CAMK4: variants seen among roughly 807,000 people sequenced by gnomAD.
CAMK4 encodes the protein calcium/calmodulin dependent protein kinase IV.
CAMK4 carries 22 observed loss-of-function variants against 44.9 expected under a neutral mutation model. The observed-to-expected ratio is 0.49, with a 90% CI of 0.35 to 0.70. CAMK4 has a LOEUF of 0.70. Among genes scored for constraint, CAMK4 ranks in the 30% least tolerant of loss-of-function variants. CAMK4 has a pLI of 0.01. For synonymous variants in CAMK4, 218 were observed against 215.4 expected (o/e 1.01, Z -0.11); for missense variants, 498 against 586.8 (o/e 0.85, Z 1.56).
Position 111,484,229 on chromosome 5 carries a change from G to T in CAMK4, c.1185G>T (p.Met395Ile), listed in dbSNP as rs1368126909. Reference protein sequence around the residue: ...AAVKGAQAELMKVQALEKVKG... With the variant: ...AAVKGAQAELIKVQALEKVKG... ...TTAAGGGGGCACAGGCTGAGCTGATGAAGGTGCAAGCCTTAGAGAAAGTTA... is the reference window on the plus strand; with the variant it reads ...TTAAGGGGGCACAGGCTGAGCTGATTAAGGTGCAAGCCTTAGAGAAAGTTA... The change falls in exon 11 of 11, where the codon ATG becomes ATT. Residue 395 changes from methionine (M) to isoleucine (I), a missense_variant. Physicochemically the swap from Met to Ile is conservative, Grantham distance 10. Transcript: ENST00000282356. This position sits in a 1 kb window ranked among gnomAD's most constrained non-coding sequence, Gnocchi z 5.3. 1 of 1,614,160 alleles carries T rather than the reference G, an allele frequency of 6.2e-7. No individual in the cohort carries two copies. The highest frequency in any genetic ancestry group is 2.2e-5 in the East Asian group (1 of 44,888).
At chr5:111,386,939 A>C (rs1305623110) in intron 4 of CAMK4, among the ~76,000 whole-genome samples, 1 of 152,200 alleles carries the variant, frequency 6.6e-6, no homozygotes, top group African/African-American at 2.4e-5. Context: ...AAATCCTAGA[A>C]GACATTTTGT....
chr5:111,381,397 G>A (rs1410617540), intron 4 of CAMK4, among the ~76,000 whole-genome samples: 1 of 152,136 alleles, frequency 6.6e-6, no homozygotes, highest in East Asian at 1.9e-4. Flanking sequence ...TTCAGTCTGT[G>A]GCCAAAGACC....
chr5:111,331,039 T>A (rs576585488), intron 1 of CAMK4, among the ~76,000 whole-genome samples: 1 of 151,726 alleles, frequency 6.6e-6, no homozygotes, highest in South Asian at 2.1e-4. Context: ...TAGGATAATA[T>A]CTTTATGACT....
intron 4 of CAMK4, among the ~76,000 whole-genome samples, chr5:111,393,029 G>A (rs1372063181): frequency 6.6e-6 from 1 of 152,158 alleles, no homozygotes; most frequent in Non-Finnish European, 1.5e-5. Context: ...GAAAATGTTG[G>A]TGAATGAACT....
At chr5:111,270,719 A>G (rs1310856363) in intron 1 of CAMK4, among the ~76,000 whole-genome samples, 1 of 152,216 alleles carries the variant, frequency 6.6e-6, no homozygotes, top group African/African-American at 2.4e-5. Context: ...CCAGCCTGAC[A>G]AAACTTCAAT....
intron 4 of CAMK4, among the ~76,000 whole-genome samples, chr5:111,382,543 G>T (rs1219629556): frequency 6.6e-6 from 1 of 152,100 alleles, no homozygotes; most frequent in East Asian, 1.9e-4. Flanking sequence ...AATATAATGA[G>T]GAACATTTTT....
At chr5:111,457,166 A>G (rs1016059282) in intron 7 of CAMK4, among the ~76,000 whole-genome samples, 1 of 152,262 alleles carries the variant, frequency 6.6e-6, no homozygotes, top group African/African-American at 2.4e-5. Context: ...CACAGAAAAA[A>G]TGAAGGATAT....
intron 1 of CAMK4, among the ~76,000 whole-genome samples, chr5:111,247,241 A>C (rs941553936): frequency 6.6e-6 from 1 of 150,424 alleles, no homozygotes; most frequent in African/African-American, 2.4e-5. Context: ...AGCAAATTAC[A>C]TACACACACA....
At chr5:111,458,184 G>A (rs1193255410) in intron 7 of CAMK4, among the ~76,000 whole-genome samples, 1 of 152,254 alleles carries the variant, frequency 6.6e-6, no homozygotes, top group Non-Finnish European at 1.5e-5. Context: ...CCACAGGCAT[G>A]CTTGCAGCAT....
chr5:111,432,677 T>C (rs6890481), intron 5 of CAMK4, among the ~76,000 whole-genome samples: 2 of 148,016 alleles, frequency 1.4e-5, no homozygotes, highest in African/African-American at 5.0e-5. Context: ...TATATATATA[T>C]ATATACATTT....
intron 7 of CAMK4, among the ~76,000 whole-genome samples, chr5:111,468,749 G>A (rs1477064512): frequency 6.6e-6 from 1 of 152,156 alleles, no homozygotes; most frequent in African/African-American, 2.4e-5. Flanking sequence ...GGAGGCCGAG[G>A]CGGGTGGATC....
At chr5:111,461,521 C>G (rs1290000352) in intron 7 of CAMK4, among the ~76,000 whole-genome samples, 1 of 152,042 alleles carries the variant, frequency 6.6e-6, no homozygotes, top group African/African-American at 2.4e-5. Flanking sequence ...AGAAAATCAC[C>G]CAGTGTGGAG....
intron 1 of CAMK4, among the ~76,000 whole-genome samples, chr5:111,270,657 C>T (rs1163902959): frequency 6.6e-6 from 1 of 152,162 alleles, no homozygotes; most frequent in Non-Finnish European, 1.5e-5. Context: ...TTCCATGAAC[C>T]ACACCTTCCA....
In CAMK4 at chr5:111,478,523, A is replaced by G; in HGVS notation, c.828+16A>G. The G allele has an allele frequency of 1.5e-6, 2 of 1,312,904 alleles. No individual in the cohort carries two copies. Among genetic ancestry groups the G allele is most frequent in the South Asian group, 1.6e-5 (1 of 64,352 alleles). 81.3% of individuals were successfully genotyped at this position (1,312,904 alleles called of 1,614,324 possible). ...CAAGGACTTGGTAAGTGTAACCAAA[A>G]CAAAATGAAACAAAATGAAATAAAT... On this transcript the variant is annotated intron_variant, in intron 9 of 10. Coordinates refer to ENST00000282356, the MANE Select transcript of CAMK4 (RefSeq NM_001744.6).
In CAMK4 at chr5:111,473,399, A is replaced by C. The variant is rs770969921; in HGVS notation, c.701+13A>C. Reference sequence around the variant, plus strand: ...TCACCTACATCTTGTAAGTGAAGAAAAGCAATATTTATGTAAACTATTTAC... The same window carrying C: ...TCACCTACATCTTGTAAGTGAAGAACAGCAATATTTATGTAAACTATTTAC... On this transcript the variant is annotated intron_variant, in intron 8 of 10. Transcript: ENST00000282356. 5.2e-6 allele frequency: 8 copies of C among 1,541,154 alleles called. No homozygotes were observed. The East Asian group carries it at 1.6e-4, about 30-fold the overall frequency.
intron 4 of CAMK4, among the ~76,000 whole-genome samples, chr5:111,384,721 C>T (rs933338867): frequency 3.9e-5 from 6 of 152,176 alleles, no homozygotes; most frequent in South Asian, 4.1e-4. Context: ...TTTCCCTTTC[C>T]CAGTGCTTCT....
intron 1 of CAMK4, among the ~76,000 whole-genome samples, chr5:111,240,765 G>A (rs1044345329): frequency 6.6e-6 from 1 of 152,202 alleles, no homozygotes; most frequent in Non-Finnish European, 1.5e-5. Flanking sequence ...AGCCTTTCAA[G>A]TTGTTCTCTG....
At chr5:111,285,028 A>G (rs1208200172) in intron 1 of CAMK4, among the ~76,000 whole-genome samples, 2 of 152,236 alleles carry the variant, frequency 1.3e-5, no homozygotes, top group Non-Finnish European at 2.9e-5. Context: ...ATTTTTTAAC[A>G]TTTCATGCAT....
intron 7 of CAMK4, among the ~76,000 whole-genome samples, chr5:111,469,686 G>T (rs974579031): frequency 4.6e-5 from 7 of 152,192 alleles, no homozygotes; most frequent in Non-Finnish European, 8.8e-5. Context: ...GAGCCAACAG[G>T]ATGAGTCCCC....
Sources: gnomAD v4.1 joint callset for allele counts (sites outside exome capture counted in the v4.1 genomes callset) on GRCh38, gnomAD v4.1.1 for gene constraint, Gnocchi (gnomAD v3.1) non-coding constraint, MANE v1.5 for transcripts, NCBI Gene and HGNC (gene_info 2026-07-23, HGNC 2026-07-21) for gene names.